BRINP3: variants seen among roughly 807,000 people sequenced by gnomAD.
BRINP3 encodes BMP/retinoic acid-inducible neural-specific protein 3.
Under a neutral mutation model 71.0 loss-of-function variants are expected in BRINP3, and 19 were observed. That is an observed-to-expected ratio of 0.27 (90% CI 0.19 to 0.39). BRINP3 has a LOEUF of 0.39. BRINP3 is among the 10% of genes least tolerant of loss of function. The pLI, the probability that BRINP3 is intolerant of heterozygous loss-of-function variation, is 1.00. For missense variants in BRINP3, 959 were observed against 940.8 expected, an observed-to-expected ratio of 1.02 and a Z score of -0.25; for synonymous variants, 380 against 337.7, an observed-to-expected ratio of 1.13 and a Z score of -1.37.
chr1:190,433,006 A>C (rs1674203003), intron 2 of BRINP3, among the ~76,000 whole-genome samples: 1 of 152,214 alleles, frequency 6.6e-6, no homozygotes, highest in South Asian at 2.1e-4. Context: ...TTGAAAAGAA[A>C]TAGAGACCAA....
intron 7 of BRINP3, among the ~76,000 whole-genome samples, chr1:190,117,743 A>T (rs2102305455): frequency 6.6e-6 from 1 of 152,196 alleles, no homozygotes; most frequent in South Asian, 2.1e-4. Flanking sequence ...ACACCTGGGC[A>T]TATTCAAATT....
chr1:190,153,916 T>A (rs1302157689), intron 7 of BRINP3: 2 of 187,334 alleles, frequency 1.1e-5, no homozygotes, highest in Non-Finnish European at 2.0e-5. Context: ...TTTGTTGGGA[T>A]GCAAGTTTGG....
chr1:190,112,082 C>T (rs1279119967), intron 7 of BRINP3, among the ~76,000 whole-genome samples: 1 of 152,010 alleles, frequency 6.6e-6, no homozygotes, highest in Non-Finnish European at 1.5e-5. Flanking sequence ...ATTGACCAAA[C>T]GGACAGGTGA....
intron 6 of BRINP3, among the ~76,000 whole-genome samples, chr1:190,193,809 GGCCAGGGA>G (rs957023842): frequency 7.2e-5 from 11 of 151,962 alleles, no homozygotes; most frequent in Non-Finnish European, 1.2e-4. Context: ...TTTTCTCAAG[GGCCAGGGA>G]GCCATCTCTT....
chr1:190,166,413 T>C (rs558905542), intron 6 of BRINP3, among the ~76,000 whole-genome samples: 105 of 152,294 alleles, frequency 6.9e-4, no homozygotes, highest in South Asian at 1.7e-3. Flanking sequence ...GGTTGCCCTG[T>C]TTATGACCCC....
At chr1:190,260,983 AG>A in intron 4 of BRINP3, among the ~76,000 whole-genome samples, 1 of 152,236 alleles carries the variant, frequency 6.6e-6, no homozygotes, top group East Asian at 1.9e-4. Context: ...GTAACATATC[AG>A]TAATTATTTT....
chr1:190,217,531 C>T (rs926726667), intron 6 of BRINP3, among the ~76,000 whole-genome samples: 9 of 151,824 alleles, frequency 5.9e-5, no homozygotes, highest in African/African-American at 1.4e-4. Flanking sequence ...TGTTTGGGTT[C>T]ATTATTTAGC....
intron 2 of BRINP3, among the ~76,000 whole-genome samples, chr1:190,303,100 C>T (rs918594407): frequency 2.0e-5 from 3 of 151,560 alleles, no homozygotes; most frequent in African/African-American, 7.3e-5. Flanking sequence ...AATTAGATAA[C>T]ATATTTTAAT....
At chr1:190,435,856 C>T (rs1254614942) in intron 2 of BRINP3, among the ~76,000 whole-genome samples, 2 of 151,974 alleles carry the variant, frequency 1.3e-5, no homozygotes, top group African/African-American at 4.8e-5. Context: ...AATCTAAGCA[C>T]ATCTACCCTG....
intron 2 of BRINP3, among the ~76,000 whole-genome samples, chr1:190,349,363 G>A (rs1668225473): frequency 6.6e-6 from 1 of 152,228 alleles, no homozygotes; most frequent in East Asian, 1.9e-4. Flanking sequence ...CAGTAGGGAA[G>A]TGAAGAAGGA....
At chr1:190,304,129 T>C (rs542005163) in intron 2 of BRINP3, among the ~76,000 whole-genome samples, 1 of 151,978 alleles carries the variant, frequency 6.6e-6, no homozygotes, top group Non-Finnish European at 1.5e-5. Context: ...AATTACTTTG[T>C]CATTTGTATT....
intron 2 of BRINP3, among the ~76,000 whole-genome samples, chr1:190,299,701 T>C (rs1378657389): frequency 1.3e-5 from 2 of 151,324 alleles, no homozygotes; most frequent in Non-Finnish European, 2.9e-5. Flanking sequence ...GTTGTTCCTT[T>C]CCATGTTTAG....
chr1:190,223,950 T>C (rs1173799033), intron 6 of BRINP3, among the ~76,000 whole-genome samples: 1 of 151,792 alleles, frequency 6.6e-6, no homozygotes, highest in Admixed American at 6.6e-5. Flanking sequence ...GAAAGATCTA[T>C]ATAAGAAAAA....
rs375397605 is a variant in BRINP3, at chr1:190,244,804, T to C, written c.619-10327A>G. Among the ~76,000 whole-genome samples the C allele has an allele frequency of 2.6e-5, 4 of 152,200 alleles. No individual in the cohort carries two copies. In the East Asian group the frequency reaches 5.8e-4, roughly 22 times the overall value. ...ACTCAATGTAGGAGCCAGTATAGTA[T>C]ATTAGAACATATCTCAAAGTGCCCA... On this transcript the variant is annotated intron_variant, in intron 4 of 7. Transcript: ENST00000367462.
intron 7 of BRINP3, among the ~76,000 whole-genome samples, chr1:190,124,914 C>T (rs952027538): frequency 4.6e-5 from 7 of 151,946 alleles, no homozygotes; most frequent in Non-Finnish European, 1.0e-4. Context: ...AAAATATATT[C>T]CACAGAGTGT....
At chr1:190,233,947 T>C (rs1658259965) in intron 5 of BRINP3, among the ~76,000 whole-genome samples, 1 of 152,116 alleles carries the variant, frequency 6.6e-6, no homozygotes, top group Admixed American at 6.6e-5. Flanking sequence ...AGGAGAAAAA[T>C]ACAGTCTTGA....
intron 7 of BRINP3, among the ~76,000 whole-genome samples, chr1:190,155,875 G>A (rs1481800290): frequency 2.0e-5 from 3 of 151,960 alleles, no homozygotes; most frequent in Admixed American, 1.3e-4. Context: ...AGTCCCCCCA[G>A]CCAGGAAGAA....
intron 2 of BRINP3, among the ~76,000 whole-genome samples, chr1:190,357,984 C>CAGTA (rs1668850950): frequency 8.4e-4 from 128 of 151,646 alleles, no homozygotes; most frequent in African/African-American, 3.0e-3. Flanking sequence ...TGGATCCCTT[C>CAGTA]CTTACACCTT....
intron 7 of BRINP3, among the ~76,000 whole-genome samples, chr1:190,100,736 A>T (rs2102241430): frequency 6.6e-6 from 1 of 152,334 alleles, no homozygotes; most frequent in South Asian, 2.1e-4. Context: ...ATAAAAGAAA[A>T]AAATAAATCA....
Sources: gnomAD v4.1 joint callset for allele counts (sites outside exome capture counted in the v4.1 genomes callset) on GRCh38, gnomAD v4.1.1 for gene constraint, MANE v1.5 for transcripts, NCBI Gene and HGNC (gene_info 2026-07-23, HGNC 2026-07-21) for gene names.